PRDM15: variants seen among roughly 807,000 people sequenced by gnomAD.
PRDM15 encodes the protein PR/SET domain 15.
Under a neutral mutation model 128.6 loss-of-function variants are expected in PRDM15, and 64 were observed. The observed-to-expected ratio is 0.50, with a 90% CI of 0.41 to 0.61. The LOEUF (loss-of-function observed/expected upper bound fraction) is 0.61. Among genes scored for constraint, PRDM15 ranks in the 20% least tolerant of loss-of-function variants. The probability of loss-of-function intolerance (pLI) is 0.00; values close to 1 mark genes in which losing one functional copy is unlikely to be tolerated. For synonymous variants in PRDM15, 615 were observed against 621.8 expected, an observed-to-expected ratio of 0.99 and a Z score of 0.16; for missense variants, 1,242 against 1,569.1, an observed-to-expected ratio of 0.79 and a Z score of 3.52.
chr21:41,836,473 G>A lies in PRDM15; in HGVS notation c.1178C>T (p.Ser393Leu), dbSNP rs1208727629. Reference sequence around the variant, plus strand: ...GCCGGGCCTCGCGGACTCACCATGCGAGCGCACGTGCCTGCTCAGGTTGCT... The same window carrying A: ...GCCGGGCCTCGCGGACTCACCATGCAAGCGCACGTGCCTGCTCAGGTTGCT... ...NSSNLSRHVR[S>L]HGDKLFKCEE... The change falls in exon 9 of 24, where the codon TCG becomes TTG. Residue 393 changes from serine (S) to leucine (L), a missense_variant. By Grantham distance (145) the Ser-to-Leu change is moderately radical. This residue lies in a region of PRDM15 where 612 missense variants were observed against 717.0 expected (regional missense o/e 0.85). Coordinates refer to ENST00000398548, the MANE Select transcript of PRDM15 (RefSeq NM_001040424.3). 6 of 1,609,676 alleles carry A rather than the reference G, an allele frequency of 3.7e-6. No homozygotes were observed. Among genetic ancestry groups the A allele is most frequent in the Non-Finnish European group, 4.2e-6 (5 of 1,177,994 alleles).
At chr21:41,861,438 G>A (rs77562491) in intron 1 of PRDM15, 11,803 of 799,836 alleles carry the variant, frequency 0.015, 232 homozygotes, top group Admixed American at 0.065. Flanking sequence ...TTCCTGGGCT[G>A]TAAAATGGAA....
chr21:41,860,219 A>C (rs1305769066), intron 2 of PRDM15, 108 bp downstream of exon 2: 10 of 795,986 alleles, frequency 1.3e-5, no homozygotes, highest in Non-Finnish European at 2.1e-5. Flanking sequence ...CTATATTATA[A>C]AAACCAAATG....
chr21:41,852,056 G>A (rs976050264), intron 5 of PRDM15, among the ~76,000 whole-genome samples: 5 of 152,312 alleles, frequency 3.3e-5, no homozygotes, highest in South Asian at 2.1e-4. Context: ...AATCAGAGGC[G>A]ACTCTGTTCG....
intron 1 of PRDM15, chr21:41,871,552 G>GGCTCAGTT (rs1281620312): frequency 6.2e-7 from 1 of 1,612,288 alleles, no homozygotes; most frequent in East Asian, 2.2e-5. Context: ...GTGGCTCAGT[G>GGCTCAGTT]TCGGACACCT....
At chr21:41,863,672 C>T (rs2063901103) in intron 1 of PRDM15, among the ~76,000 whole-genome samples, 1 of 152,072 alleles carries the variant, frequency 6.6e-6, no homozygotes, top group South Asian at 2.1e-4. Context: ...GTGAAGACAC[C>T]TGTTAAAAAC....
chr21:41,826,007 G>C lies in PRDM15; in HGVS notation c.1582C>G (p.Leu528Val), dbSNP rs1165481343. 1.2e-6 allele frequency: 2 copies of C among 1,614,050 alleles called. No homozygotes were observed. Among genetic ancestry groups the C allele is most frequent in the Non-Finnish European group, 1.7e-6 (2 of 1,180,046 alleles). ...GAAGGCTCCTTCTTGTAACGGACCAGGTTCTCCCCACCGGCCTCCAGGTCC... is the reference window on the plus strand; with the variant it reads ...GAAGGCTCCTTCTTGTAACGGACCACGTTCTCCCCACCGGCCTCCAGGTCC... The part of the protein sequence containing the change: ...REDLEAGGEN[L>V]VRYKKEPSGC... The change falls in exon 13 of 24, where the codon CTG becomes GTG. Residue 528 changes from leucine (L) to valine (V), a missense_variant. Around this residue, in one of 3 missense-constraint regions of PRDM15, gnomAD observed 612 missense variants for 717.0 expected, o/e 0.85. Transcript: ENST00000398548.
At position 41,866,919 on chromosome 21, in the gene PRDM15, C is replaced by G. The variant is rs78922146; in HGVS notation, c.-9-6547G>C. On this transcript the variant is annotated intron_variant, in intron 1 of 23. Transcript: ENST00000398548. ...GGAGACGCCACAACACCTCCACTCC[C>G]TGGGGAGACCCTACTCACTCCCTTC... Among the ~76,000 whole-genome samples, 77 of 152,276 alleles carry G rather than the reference C, an allele frequency of 5.1e-4. No homozygotes were observed. The East Asian group carries it at 0.013, about 26-fold the overall frequency.
chr21:41,820,322 C>T (rs186930748), intron 16 of PRDM15, 148 bp from the exon 17 acceptor site: 18 of 649,576 alleles, frequency 2.8e-5, no homozygotes, highest in South Asian at 2.5e-4. Context: ...GCCTCTGCCA[C>T]GGGCTCAATC....
At position 41,811,128 on chromosome 21, in the gene PRDM15, G is replaced by A. The variant is rs950410881; in HGVS notation, c.2393-292C>T. ...CCCACATGTGGACAAGCAGAAAAAC[G>A]ATAGGAATTTCTTTAAAGCATTAAT... On this transcript the variant is annotated intron_variant, in intron 19 of 23. Transcript: ENST00000398548. The surrounding 1 kb of genome is among the most constrained non-coding windows in gnomAD (Gnocchi z 4.1). 3 of 397,586 alleles carry A rather than the reference G, an allele frequency of 7.5e-6. No homozygotes were observed. The highest frequency in any genetic ancestry group is 6.1e-5 in the South Asian group (2 of 32,932). The allele number at this position is 397,586 out of a possible 1,614,324, so 24.6% of individuals were successfully genotyped here.
chr21:41,804,976 G>A (rs1382362571), intron 21 of PRDM15, among the ~76,000 whole-genome samples: 1 of 152,242 alleles, frequency 6.6e-6, no homozygotes, highest in Non-Finnish European at 1.5e-5. Flanking sequence ...AGATACAGTA[G>A]AGTAAACTTG....
intron 6 of PRDM15, among the ~76,000 whole-genome samples, chr21:41,843,577 C>G (rs2063140394): frequency 1.3e-5 from 2 of 152,238 alleles, no homozygotes; most frequent in Non-Finnish European, 2.9e-5. Flanking sequence ...CCAAACTCTC[C>G]TGCCCTGAAT....
intron 21 of PRDM15, among the ~76,000 whole-genome samples, chr21:41,808,434 C>A (rs868670514): frequency 6.6e-6 from 1 of 152,212 alleles, no homozygotes; most frequent in African/African-American, 2.4e-5. Flanking sequence ...GGAGCCTGAT[C>A]GGGCTGCAGA....
intron 1 of PRDM15, among the ~76,000 whole-genome samples, chr21:41,876,822 T>C (rs1350630341): frequency 6.6e-6 from 1 of 152,174 alleles, no homozygotes; most frequent in Non-Finnish European, 1.5e-5. Flanking sequence ...CTAGGCTCTG[T>C]CCTGCCCCAT....
chr21:41,807,826 G>A (rs1217336532), intron 21 of PRDM15, among the ~76,000 whole-genome samples: 1 of 152,112 alleles, frequency 6.6e-6, no homozygotes, highest in South Asian at 2.1e-4. Context: ...AAATCCCCCC[G>A]CACCACCTTC....
At chr21:41,805,374 CA>C (rs1445960896) in intron 21 of PRDM15, among the ~76,000 whole-genome samples, 1 of 152,208 alleles carries the variant, frequency 6.6e-6, no homozygotes, top group Admixed American at 6.5e-5. Context: ...GTGCTTCACC[CA>C]AACAGCTTTG....
chr21:41,865,675 G>A (rs1443350457), intron 1 of PRDM15, among the ~76,000 whole-genome samples: 2 of 152,128 alleles, frequency 1.3e-5, no homozygotes, highest in African/African-American at 2.4e-5. Context: ...CCAAAAAGCT[G>A]ACTCTTCCTA....
chr21:41,805,215 G>A (rs957328693), intron 21 of PRDM15, among the ~76,000 whole-genome samples: 1 of 152,090 alleles, frequency 6.6e-6, no homozygotes, highest in African/African-American at 2.4e-5. Flanking sequence ...GACCTTCACC[G>A]CCCACACCCT....
At position 41,838,007 on chromosome 21, in the gene PRDM15, G is replaced by A. The variant is rs1043263752; in HGVS notation, c.928C>T (p.Pro310Ser). 1.2e-6 allele frequency: 2 copies of A among 1,614,006 alleles called. No homozygotes were observed. The highest frequency in any genetic ancestry group is 1.3e-5 in the African/African-American group (1 of 74,916). ...ACCAGCTCCATGATCCGCTCATCTG[G>A]CGTTGCACTCACAGGCTCATCCGGA... ...VPPDEPVSAT[P>S]DERIMELVLG... Residue 310 changes from proline to serine, a missense_variant, in exon 8 of 24, where the codon CCA becomes TCA. Coordinates refer to ENST00000398548, the MANE Select transcript of PRDM15 (RefSeq NM_001040424.3).
Position 41,832,299 on chromosome 21 carries a change from A to G in PRDM15, c.1366+3138T>C, listed in dbSNP as rs911487775. Among the ~76,000 whole-genome samples the G allele has an allele frequency of 6.6e-6, 1 of 152,288 alleles. No homozygotes were observed. Reference sequence around the variant, plus strand: ...CGCTTTGTGAAAGGCCACACCTTACAGCGCTGTGGCATCAGATTGCCACAG... The same window carrying G: ...CGCTTTGTGAAAGGCCACACCTTACGGCGCTGTGGCATCAGATTGCCACAG... On this transcript the variant is annotated intron_variant, in intron 11 of 23. Coordinates refer to ENST00000398548, the MANE Select transcript of PRDM15 (RefSeq NM_001040424.3). This position sits in a 1 kb window ranked among gnomAD's most constrained non-coding sequence, Gnocchi z 4.2.
Sources: allele counts gnomAD v4.1 joint callset (sites outside exome capture counted in the v4.1 genomes callset), GRCh38; gene constraint gnomAD v4.1.1; regional missense constraint gnomAD v4.1.1; non-coding constraint Gnocchi (gnomAD v3.1); transcripts MANE v1.5; gene names NCBI Gene and HGNC (gene_info 2026-07-23, HGNC 2026-07-21).